Variants in FAM83B observed in about 807,000 individuals in gnomAD.
FAM83B encodes the protein protein FAM83B.
A neutral mutation model predicts 38.8 loss-of-function variants in FAM83B; 26 were observed. That is an observed-to-expected ratio of 0.67 (90% confidence interval 0.49 to 0.93). FAM83B has a LOEUF of 0.93. Ranked by LOEUF, FAM83B falls within the 40% of genes least tolerant of loss-of-function variation. FAM83B has a pLI of 0.00. For missense variants in FAM83B, 1,237 were observed against 1,197.3 expected, an observed-to-expected ratio of 1.03 and a Z score of -0.49; for synonymous variants, 419 against 423.1, an observed-to-expected ratio of 0.99 and a Z score of 0.12.
At chr6:54,888,088 G>T (rs1359574544) in intron 2 of FAM83B, among the ~76,000 whole-genome samples, 2 of 141,594 alleles carry the variant, frequency 1.4e-5, no homozygotes, top group Admixed American at 1.4e-4. Flanking sequence ...GAGCTTGTTT[G>T]TTGTGTGTTA....
intron 2 of FAM83B, among the ~76,000 whole-genome samples, chr6:54,888,471 T>G (rs1561915164): frequency 6.6e-6 from 1 of 151,948 alleles, no homozygotes; most frequent in African/African-American, 2.4e-5. Flanking sequence ...TAAAAAAATG[T>G]GTTTATTTCT....
chr6:54,863,923 A>T (rs1282460592), intron 1 of FAM83B, among the ~76,000 whole-genome samples: 1 of 152,224 alleles, frequency 6.6e-6, no homozygotes, highest in Non-Finnish European at 1.5e-5. Context: ...GGTATGGCAC[A>T]AGACACAACT....
intron 2 of FAM83B, among the ~76,000 whole-genome samples, chr6:54,887,039 T>C (rs1023776310): frequency 2.6e-5 from 4 of 152,224 alleles, no homozygotes; most frequent in African/African-American, 9.6e-5. Context: ...ATTTGAATTA[T>C]ACTGTGATCA....
intron 1 of FAM83B, among the ~76,000 whole-genome samples, chr6:54,855,617 T>C (rs149485796): frequency 5.3e-5 from 8 of 152,226 alleles, no homozygotes; most frequent in African/African-American, 1.9e-4. Context: ...TTTACTCCCA[T>C]TTAGCATGTT....
At chr6:54,877,570 G>A (rs1197261806) in intron 2 of FAM83B, among the ~76,000 whole-genome samples, 2 of 152,104 alleles carry the variant, frequency 1.3e-5, no homozygotes, top group Non-Finnish European at 2.9e-5. Context: ...TTATCCTAAG[G>A]ACTGGAACTC....
chr6:54,936,118 C>T (rs1467975661), intron 4 of FAM83B, among the ~76,000 whole-genome samples: 1 of 152,096 alleles, frequency 6.6e-6, no homozygotes, highest in Non-Finnish European at 1.5e-5. Flanking sequence ...TAGAGGAATA[C>T]AGAGATCATT....
At chr6:54,899,648 T>A (rs1772612896) in intron 2 of FAM83B, among the ~76,000 whole-genome samples, 1 of 152,138 alleles carries the variant, frequency 6.6e-6, no homozygotes, top group Admixed American at 6.6e-5. Context: ...TGCCTTCAGA[T>A]GAGAGAAGGG....
intron 2 of FAM83B, among the ~76,000 whole-genome samples, chr6:54,880,109 C>A (rs9464157): frequency 0.022 from 3,407 of 152,244 alleles, 131 homozygotes; most frequent in African/African-American, 0.078. Flanking sequence ...CTTATTGAGT[C>A]CCAGCTATGT....
intron 4 of FAM83B, among the ~76,000 whole-genome samples, chr6:54,932,418 G>A (rs1039566433): frequency 6.6e-6 from 1 of 152,036 alleles, no homozygotes; most frequent in African/African-American, 2.4e-5. Flanking sequence ...TTACATAATT[G>A]TTGCTCCAAA....
intron 4 of FAM83B, among the ~76,000 whole-genome samples, chr6:54,938,010 G>C (rs947837381): frequency 2.6e-5 from 4 of 151,950 alleles, no homozygotes; most frequent in African/African-American, 4.8e-5. Context: ...CCAAGGTGTA[G>C]TCTGTTACCC....
intron 2 of FAM83B, among the ~76,000 whole-genome samples, chr6:54,922,473 AT>A (rs140400264): frequency 0.029 from 4,450 of 152,086 alleles, 200 homozygotes; most frequent in African/African-American, 0.1. Flanking sequence ...TAGCTAATGC[AT>A]TAAATTAATA....
intron 2 of FAM83B, among the ~76,000 whole-genome samples, chr6:54,884,071 A>G (rs1772205836): frequency 6.6e-6 from 1 of 152,120 alleles, no homozygotes; most frequent in African/African-American, 2.4e-5. Flanking sequence ...TGGGAGGCCA[A>G]GGTGGGCGGA....
At chr6:54,933,057 C>T (rs552455275) in intron 4 of FAM83B, among the ~76,000 whole-genome samples, 4 of 152,136 alleles carry the variant, frequency 2.6e-5, no homozygotes, top group Admixed American at 2.6e-4. Context: ...CTTTGCCTCT[C>T]CTCTTTCTGA....
Position 54,924,213 on chromosome 6 carries a change from ACACG to A in FAM83B, c.445-2154_445-2151del, listed in dbSNP as rs143247624. ...TACACACACACACACACACACACAC[ACACG>A]CACACACCACATTTTCTTTGTGCAT... is the stretch of plus-strand genomic sequence containing the variant. On this transcript the variant is annotated intron_variant, in intron 2 of 4. Coordinates refer to ENST00000306858, the MANE Select transcript of FAM83B (RefSeq NM_001010872.3). Among the ~76,000 whole-genome samples, 63 of 143,678 alleles carry A rather than the reference ACACG, an allele frequency of 4.4e-4. No homozygotes were observed. In the East Asian group the frequency reaches 0.014, roughly 32 times the overall value. 94.3% of individuals were successfully genotyped at this position (143,678 alleles called of 152,430 possible).
chr6:54,885,929 G>A lies in FAM83B; in HGVS notation c.444+15239G>A, dbSNP rs575039853. Among the ~76,000 whole-genome samples the A allele has an allele frequency of 1.1e-4, 17 of 151,244 alleles. No individual in the cohort carries two copies. In the South Asian group the frequency reaches 2.3e-3, roughly 21 times the overall value. The stretch of plus-strand genomic sequence containing the variant: ...ACATGTATACATATGTAACAAACCC[G>A]CACGTTGTGCACATGTACCCTAAAA... On this transcript the variant is annotated intron_variant, in intron 2 of 4. Transcript: ENST00000306858.
intron 2 of FAM83B, among the ~76,000 whole-genome samples, chr6:54,884,874 G>A (rs550075896): frequency 6.6e-6 from 1 of 151,274 alleles, no homozygotes; most frequent in African/African-American, 2.4e-5. Context: ...CCGGGTTCAC[G>A]CCATTCTCCT....
At chr6:54,933,053 C>T (rs532216306) in intron 4 of FAM83B, among the ~76,000 whole-genome samples, 1 of 151,950 alleles carries the variant, frequency 6.6e-6, no homozygotes, top group South Asian at 2.1e-4. Flanking sequence ...GCTTCTTTGC[C>T]TCTCCTCTTT....
intron 2 of FAM83B, among the ~76,000 whole-genome samples, chr6:54,922,262 TA>T (rs1019154551): frequency 6.6e-6 from 1 of 152,046 alleles, no homozygotes. Flanking sequence ...TCTGGCAAAT[TA>T]AAAATAAATT....
intron 1 of FAM83B, among the ~76,000 whole-genome samples, chr6:54,861,319 C>T (rs1051112485): frequency 2.0e-5 from 3 of 152,198 alleles, no homozygotes; most frequent in Non-Finnish European, 2.9e-5. Flanking sequence ...CTTTGGGAAG[C>T]CAAGATGAAT....
Sources: gnomAD v4.1 joint callset for allele counts (sites outside exome capture counted in the v4.1 genomes callset) on GRCh38, gnomAD v4.1.1 for gene constraint, MANE v1.5 for transcripts, NCBI Gene and HGNC (gene_info 2026-07-23, HGNC 2026-07-21) for gene names.